Variants in GAS7 observed in about 807,000 individuals in gnomAD.
GAS7 encodes the protein growth arrest specific 7, also known as growth arrest-specific protein 7.
A neutral mutation model predicts 71.1 loss-of-function variants in GAS7; 28 were observed. The ratio of observed to expected loss-of-function variants is 0.39; its 90% CI spans 0.29 to 0.54. GAS7 has a LOEUF of 0.54. GAS7 is among the 20% of genes least tolerant of loss of function. The pLI is 0.62. For missense variants in GAS7, 436 were observed against 627.8 expected, an observed-to-expected ratio of 0.69 and a Z score of 3.27; for synonymous variants, 258 against 245.8, an observed-to-expected ratio of 1.05 and a Z score of -0.46.
intron 1 of GAS7, among the ~76,000 whole-genome samples, chr17:10,033,258 T>G (rs911675110): frequency 1.3e-5 from 2 of 152,106 alleles, no homozygotes; most frequent in Non-Finnish European, 2.9e-5. Flanking sequence ...CTCTAAAGGA[T>G]TGCTGGTCAA....
At position 9,959,194 on chromosome 17, in the gene GAS7, C is replaced by A. The variant is rs1186409026; in HGVS notation, c.525+8G>T. On this transcript the variant is annotated splice_region_variant and intron_variant, in intron 5 of 13. Coordinates refer to ENST00000432992, the MANE Select transcript of GAS7 (RefSeq NM_201433.2). This position sits in a 1 kb window ranked among gnomAD's most constrained non-coding sequence, Gnocchi z 5.0. ...CCACCCTGAGGGCGCCCCTCGGGAG[C>A]CACTTACTGTGATGGTGTTTTCCTT... 5.6e-6 allele frequency: 9 copies of A among 1,613,318 alleles called. No individual in the cohort carries two copies. Among genetic ancestry groups the A allele is most frequent in the Non-Finnish European group, 6.8e-6 (8 of 1,179,630 alleles).
intron 1 of GAS7, among the ~76,000 whole-genome samples, chr17:10,115,888 G>C (rs1024134697): frequency 1.3e-5 from 2 of 152,140 alleles, no homozygotes; most frequent in Admixed American, 6.5e-5. Context: ...CGCTGTCCCT[G>C]GGGGTGGCAG....
intron 1 of GAS7, among the ~76,000 whole-genome samples, chr17:10,051,900 C>T (rs933140987): frequency 5.9e-5 from 9 of 152,158 alleles, no homozygotes; most frequent in Non-Finnish European, 8.8e-5. Context: ...CATTCACTGC[C>T]TTTATCTCAC....
chr17:9,945,427 G>A (rs756766433), intron 6 of GAS7, among the ~76,000 whole-genome samples: 9 of 152,008 alleles, frequency 5.9e-5, no homozygotes, highest in Non-Finnish European at 1.3e-4. Context: ...TTACCCCGAT[G>A]CTTGCTTACC....
chr17:9,926,887 G>A lies in GAS7; in HGVS notation c.886-118C>T. On this transcript the variant is annotated intron_variant, in intron 9 of 13. Transcript: ENST00000432992. The surrounding 1 kb of genome is among the most constrained non-coding windows in gnomAD (Gnocchi z 5.0). ...CCAGGCAAGTGAGGATGAGTCTGGG[G>A]TAGCGACCTGGCAGGAAGGTGAGAG... is the stretch of plus-strand genomic sequence containing the variant. The A allele has an allele frequency of 5.6e-6, 6 of 1,078,600 alleles. No individual in the cohort carries two copies. The South Asian group carries it at 6.7e-5, about 12-fold the overall frequency. 66.8% of individuals were successfully genotyped at this position (1,078,600 alleles called of 1,614,324 possible). A position where few individuals can be genotyped will look rare whatever the true frequency, so the allele number is the denominator to read the frequency against.
intron 1 of GAS7, among the ~76,000 whole-genome samples, chr17:10,105,938 C>T (rs997460429): frequency 6.6e-6 from 1 of 152,152 alleles, no homozygotes; most frequent in Non-Finnish European, 1.5e-5. Context: ...TTGCCATGTT[C>T]GTATTTCCTC....
intron 4 of GAS7, among the ~76,000 whole-genome samples, chr17:9,962,039 T>C (rs1196914139): frequency 6.6e-6 from 1 of 152,034 alleles, no homozygotes; most frequent in Admixed American, 6.6e-5. Flanking sequence ...TTGGCTAGGA[T>C]AGGAATACAA....
At chr17:10,129,221 T>C (rs941469571) in intron 1 of GAS7, among the ~76,000 whole-genome samples, 1 of 152,118 alleles carries the variant, frequency 6.6e-6, no homozygotes, top group South Asian at 2.1e-4. Context: ...ATCAAAAGAC[T>C]AAATGTAAGA....
chr17:10,017,141 T>TAAAA (rs2072064076), intron 2 of GAS7, among the ~76,000 whole-genome samples: 1 of 118,180 alleles, frequency 8.5e-6, no homozygotes, highest in South Asian at 2.6e-4. Flanking sequence ...AAAAAATAAA[T>TAAAA]AAATAAATAA....
At chr17:10,078,601 C>T (rs1051327476) in intron 1 of GAS7, among the ~76,000 whole-genome samples, 6 of 152,060 alleles carry the variant, frequency 3.9e-5, no homozygotes, top group African/African-American at 1.4e-4. Context: ...CATAGGACCA[C>T]CATTGTGGGA....
intron 1 of GAS7, among the ~76,000 whole-genome samples, chr17:10,183,622 G>C (rs528223909): frequency 2.0e-5 from 3 of 152,160 alleles, no homozygotes; most frequent in East Asian, 3.8e-4. Flanking sequence ...GGCGGATCAC[G>C]AGGTCAGGAG....
intron 1 of GAS7, among the ~76,000 whole-genome samples, chr17:10,189,511 A>C (rs1279333746): frequency 2.0e-5 from 3 of 150,784 alleles, no homozygotes; most frequent in Admixed American, 2.0e-4. Flanking sequence ...CACACCCCCA[A>C]CCCCTCTCCC....
At chr17:9,941,436 C>T (rs1202081619) in intron 7 of GAS7, among the ~76,000 whole-genome samples, 2 of 152,192 alleles carry the variant, frequency 1.3e-5, no homozygotes, top group African/African-American at 4.8e-5. Flanking sequence ...CGACAGCGTG[C>T]GTCACCTCTA....
intron 1 of GAS7, among the ~76,000 whole-genome samples, chr17:10,117,801 A>G (rs1295734370): frequency 1.3e-5 from 2 of 152,152 alleles, no homozygotes; most frequent in African/African-American, 4.8e-5. Context: ...GGCTCAGTCC[A>G]AGGCTACAGT....
At chr17:9,968,957 T>C (rs2069837539) in intron 4 of GAS7, among the ~76,000 whole-genome samples, 1 of 152,194 alleles carries the variant, frequency 6.6e-6, no homozygotes. Flanking sequence ...TTCTTGATAA[T>C]TTATGGGTAG....
chr17:10,153,519 C>CAAA (rs11476862), intron 1 of GAS7, among the ~76,000 whole-genome samples: 2 of 117,736 alleles, frequency 1.7e-5, no homozygotes, highest in African/African-American at 3.2e-5. Flanking sequence ...CTTTGACTCA[C>CAAA]AAAAAAAAAA....
intron 1 of GAS7, among the ~76,000 whole-genome samples, chr17:10,066,753 G>A (rs1597769390): frequency 1.3e-5 from 2 of 152,252 alleles, no homozygotes; most frequent in East Asian, 1.9e-4. Flanking sequence ...AGGACATCAG[G>A]ACAGCCTTTC....
At position 10,032,278 on chromosome 17, in the gene GAS7, C is replaced by T. The variant is rs569870259; in HGVS notation, c.184-12381G>A. Among the ~76,000 whole-genome samples the T allele has an allele frequency of 1.6e-4, 25 of 152,230 alleles. No homozygotes were observed. The South Asian group carries it at 4.4e-3, about 27-fold the overall frequency. ...GCCAGAAAACCTGAATGACTGTGCT[C>T]GCTGGCTTTTGATTAACAGAGACAT... On this transcript the variant is annotated intron_variant, in intron 1 of 13. Coordinates refer to ENST00000432992, the MANE Select transcript of GAS7 (RefSeq NM_201433.2).
chr17:9,934,754 T>C lies in GAS7; in HGVS notation c.807-510A>G, dbSNP rs1355280805. On this transcript the variant is annotated intron_variant, in intron 8 of 13. Coordinates refer to ENST00000432992, the MANE Select transcript of GAS7 (RefSeq NM_201433.2). ...TTTCATTTGTTTATTAGTTTGTTCC[T>C]TGAGACAGTCTTGCTCTGTCGCCTA... Among the ~76,000 whole-genome samples, 3 of 152,222 alleles carry C rather than the reference T, an allele frequency of 2.0e-5. No individual in the cohort carries two copies. The East Asian group carries it at 5.8e-4, about 29-fold the overall frequency.
Sources: allele counts gnomAD v4.1 joint callset (sites outside exome capture counted in the v4.1 genomes callset), GRCh38; gene constraint gnomAD v4.1.1; non-coding constraint Gnocchi (gnomAD v3.1); transcripts MANE v1.5; gene names NCBI Gene and HGNC (gene_info 2026-07-23, HGNC 2026-07-21).